TTC7B: variants seen among roughly 807,000 people sequenced by gnomAD.
TTC7B encodes tetratricopeptide repeat domain 7B.
A neutral mutation model predicts 106.8 loss-of-function variants in TTC7B; 28 were observed. The observed-to-expected ratio is 0.26, with a 90% CI of 0.19 to 0.36. TTC7B has a LOEUF of 0.36. Among genes scored for constraint, TTC7B ranks in the 10% least tolerant of loss-of-function variants. TTC7B has a pLI of 1.00. For synonymous variants in TTC7B, 405 were observed against 430.6 expected, an observed-to-expected ratio of 0.94 and a Z score of 0.74; for missense variants, 862 against 1,076.4, an observed-to-expected ratio of 0.80 and a Z score of 2.79.
rs369527203 is a variant in TTC7B, at chr14:90,658,335, T to C, written c.1205A>G (p.Gln402Arg). ...FAFEEFHLWY[Q>R]FALSLMAAGK... ...AGCAGCCATCAGGGACAGAGCAAAC[T>C]GGTACCACAGGTGGAATTCCTCAAA... The change falls in exon 10 of 20, where the codon CAG becomes CGG. Residue 402 changes from glutamine (Q) to arginine (R), a missense_variant. Transcript: ENST00000328459. The C allele has an allele frequency of 3.1e-5, 50 of 1,613,910 alleles. No individual in the cohort carries two copies. The highest frequency in any genetic ancestry group is 4.0e-5 in the Non-Finnish European group (47 of 1,179,950).
intron 7 of TTC7B, among the ~76,000 whole-genome samples, chr14:90,686,591 C>CA (rs1282306949): frequency 6.6e-6 from 1 of 151,932 alleles, no homozygotes; most frequent in Non-Finnish European, 1.5e-5. Flanking sequence ...CTAAGGAATC[C>CA]AAAAAAACTA....
chr14:90,786,832 C>T (rs1374837057), intron 1 of TTC7B, among the ~76,000 whole-genome samples: 2 of 152,112 alleles, frequency 1.3e-5, no homozygotes, highest in African/African-American at 2.4e-5. Context: ...CCGCCCACCT[C>T]GACCTCCAAA....
At chr14:90,773,272 T>A (rs1419241142) in intron 3 of TTC7B, among the ~76,000 whole-genome samples, 1 of 152,210 alleles carries the variant, frequency 6.6e-6, no homozygotes, top group Non-Finnish European at 1.5e-5. Flanking sequence ...GTTTTGCAGA[T>A]AAGAAAAGTC....
At chr14:90,806,266 TGGA>T (rs1457421851) in intron 1 of TTC7B, among the ~76,000 whole-genome samples, 5 of 152,224 alleles carry the variant, frequency 3.3e-5, no homozygotes, top group Admixed American at 2.6e-4. Flanking sequence ...AATGAACGGC[TGGA>T]GGAGGAGGAC....
intron 14 of TTC7B, chr14:90,644,847 T>C (rs1171048636): frequency 6.6e-6 from 1 of 152,216 alleles, no homozygotes; most frequent in Admixed American, 6.5e-5. Context: ...AATAAGTTGA[T>C]CTGAGAAACA....
intron 15 of TTC7B, among the ~76,000 whole-genome samples, chr14:90,626,727 T>TA (rs1884460139): frequency 6.6e-6 from 1 of 152,188 alleles, no homozygotes; most frequent in Admixed American, 6.5e-5. Context: ...AAACCGTGTC[T>TA]ATATGCTTTT....
rs201933241 is a variant in TTC7B, at chr14:90,664,049, C to CA, written c.1153-5663dup. 1.1e-3 allele frequency among the ~76,000 whole-genome samples: 167 copies of CA among 152,108 alleles called. 5 individuals carry two copies. The East Asian group carries it at 0.027, about 25-fold the overall frequency. On this transcript the variant is annotated intron_variant, in intron 9 of 19. Coordinates refer to ENST00000328459, the MANE Select transcript of TTC7B (RefSeq NM_001010854.2). ...TCAACTACAAAAGGAGACTCCCTGC[C>CA]AAAAAAATGCACCCATGGTAAAAAG...
chr14:90,649,744 C>T (rs1398305816), intron 13 of TTC7B, among the ~76,000 whole-genome samples: 1 of 151,984 alleles, frequency 6.6e-6, no homozygotes. Flanking sequence ...AACCACCCAC[C>T]CATCCACCTA....
chr14:90,790,626 A>C (rs1595375309), intron 1 of TTC7B, among the ~76,000 whole-genome samples: 1 of 151,482 alleles, frequency 6.6e-6, no homozygotes, highest in African/African-American at 2.4e-5. Context: ...TGCCACAGGG[A>C]CCCTGCATCT....
At chr14:90,782,042 G>A (rs1891235960) in intron 2 of TTC7B, among the ~76,000 whole-genome samples, 1 of 152,192 alleles carries the variant, frequency 6.6e-6, no homozygotes, top group African/African-American at 2.4e-5. Flanking sequence ...TATTTATACT[G>A]TAACCTAGAG....
chr14:90,726,947 A>T (rs1889126748), intron 5 of TTC7B, among the ~76,000 whole-genome samples: 1 of 152,072 alleles, frequency 6.6e-6, no homozygotes, highest in Non-Finnish European at 1.5e-5. Flanking sequence ...AGGTGGAGGA[A>T]GTTACCGGCC....
intron 9 of TTC7B, among the ~76,000 whole-genome samples, chr14:90,665,983 C>CTG (rs1218735366): frequency 6.6e-6 from 1 of 152,212 alleles, no homozygotes; most frequent in Non-Finnish European, 1.5e-5. Context: ...TACCCACAGA[C>CTG]TGACAGAATC....
intron 3 of TTC7B, among the ~76,000 whole-genome samples, chr14:90,760,199 G>C (rs942996155): frequency 5.9e-5 from 9 of 152,142 alleles, no homozygotes; most frequent in African/African-American, 2.2e-4. Flanking sequence ...ATGACTCCCA[G>C]ATGGATGGAG....
chr14:90,699,190 C>T, intron 5 of TTC7B: 1 of 456,040 alleles, frequency 2.2e-6, no homozygotes, highest in Middle Eastern at 3.3e-4. Context: ...CTCTGAACCA[C>T]ATTCTCGGCT....
intron 5 of TTC7B, among the ~76,000 whole-genome samples, chr14:90,696,672 C>G (rs1221966742): frequency 6.6e-6 from 1 of 152,082 alleles, no homozygotes; most frequent in Non-Finnish European, 1.5e-5. Flanking sequence ...CTCTCATGCA[C>G]AAGAATGGCC....
chr14:90,705,480 A>G (rs1422109734), intron 5 of TTC7B, among the ~76,000 whole-genome samples: 1 of 152,186 alleles, frequency 6.6e-6, no homozygotes, highest in East Asian at 1.9e-4. Flanking sequence ...TTCCCAGGGC[A>G]GGGATTCCCT....
chr14:90,808,013 G>C lies in TTC7B; in HGVS notation c.121+8162C>G, dbSNP rs1428957240. Among the ~76,000 whole-genome samples, 1 of 152,230 alleles carries C rather than the reference G, an allele frequency of 6.6e-6. No homozygotes were observed. Among genetic ancestry groups the C allele is most frequent in the Non-Finnish European group, 1.5e-5 (1 of 68,032 alleles). On this transcript the variant is annotated intron_variant, in intron 1 of 19. Coordinates refer to ENST00000328459, the MANE Select transcript of TTC7B (RefSeq NM_001010854.2). This position sits in a 1 kb window ranked among gnomAD's most constrained non-coding sequence, Gnocchi z 4.2. ...GAACAGTGAAACTAGTTGGAAGTGG[G>C]CTAGAATCCAGTTCAATTAACGGCT...
chr14:90,695,621 T>A, intron 5 of TTC7B, 43 bp from the exon 6 acceptor site: 2 of 1,314,866 alleles, frequency 1.5e-6, no homozygotes, highest in South Asian at 1.3e-5. Context: ...TGGCATGTAT[T>A]AATATTAAAT....
chr14:90,801,222 C>CA (rs67620286), intron 1 of TTC7B, among the ~76,000 whole-genome samples: 25,122 of 70,818 alleles, frequency 0.35, 4,257 homozygotes, highest in Non-Finnish European at 0.42. Context: ...AAGACCCTAT[C>CA]AAAAAAAAAA....
Sources: allele counts gnomAD v4.1 joint callset (sites outside exome capture counted in the v4.1 genomes callset), GRCh38; gene constraint gnomAD v4.1.1; non-coding constraint Gnocchi (gnomAD v3.1); transcripts MANE v1.5; gene names NCBI Gene and HGNC (gene_info 2026-07-23, HGNC 2026-07-21).